The following RB1 variants were observed in gnomAD, a reference collection of about 807,000 sequenced individuals.
RB1 encodes the protein RB transcriptional corepressor 1, also known as retinoblastoma-associated protein.
RB1 carries 18 observed loss-of-function variants against 135.4 expected under a neutral mutation model. The ratio of observed to expected loss-of-function variants is 0.13; its 90% confidence interval spans 0.09 to 0.20. The LOEUF is 0.20. Ranked by LOEUF, RB1 falls within the 10% of genes least tolerant of loss-of-function variation. The pLI, the probability that RB1 is intolerant of heterozygous loss-of-function variation, is 1.00. For synonymous variants in RB1, 365 were observed against 373.2 expected (o/e 0.98, Z 0.25); for missense variants, 868 against 1,110.0 (o/e 0.78, Z 3.10).
chr13:48,437,586 T>G (rs1482218949), intron 17 of RB1, among the ~76,000 whole-genome samples: 1 of 152,172 alleles, frequency 6.6e-6, no homozygotes, highest in African/African-American at 2.4e-5. Context: ...CCAAGTTCAC[T>G]CGTGTGGTTG....
chr13:48,341,390 C>T (rs1310865133), intron 2 of RB1: 1 of 151,798 alleles, frequency 6.6e-6, no homozygotes, highest in African/African-American at 2.4e-5. Flanking sequence ...TATGAACATT[C>T]ACATATAATG....
chr13:48,320,059 C>G (rs1434076961), intron 2 of RB1: 3 of 551,434 alleles, frequency 5.4e-6, no homozygotes, highest in Admixed American at 5.8e-5. Context: ...CGGCTCCACT[C>G]TTTGCCTTTA....
intron 2 of RB1, among the ~76,000 whole-genome samples, chr13:48,324,724 C>T (rs1350281184): frequency 6.6e-6 from 1 of 152,078 alleles, no homozygotes; most frequent in Non-Finnish European, 1.5e-5. Context: ...TGGATATATA[C>T]CCAGTGGTGG....
At position 48,345,134 on chromosome 13, in the gene RB1, T is replaced by C; in HGVS notation, c.435T>C (p.Asp145=). 1 of 1,612,994 alleles carries C rather than the reference T, an allele frequency of 6.2e-7. No individual in the cohort carries two copies. The highest frequency in any genetic ancestry group is 8.5e-7 in the Non-Finnish European group (1 of 1,179,572). ...AAATTGATACCAGTACCAAAGTTGA[T>C]AATGCTATGTCAAGACTGTTGAAGA... The part of the protein sequence containing the change: ...LKEIDTSTKV[D]NAMSRLLKKY... Residue 145 remains aspartate (D), a synonymous_variant, in exon 4 of 27, where the codon GAT becomes GAC. Transcript: ENST00000267163.
chr13:48,431,187 A>G (rs1949126171), intron 17 of RB1, among the ~76,000 whole-genome samples: 1 of 152,228 alleles, frequency 6.6e-6, no homozygotes, highest in African/African-American at 2.4e-5. Context: ...GCATCTAAAC[A>G]AGCATATCAT....
At chr13:48,479,068 A>C (rs1949521246) in intron 26 of RB1, among the ~76,000 whole-genome samples, 1 of 152,132 alleles carries the variant, frequency 6.6e-6, no homozygotes, top group African/African-American at 2.4e-5. Context: ...CTTTACAAAA[A>C]AATCCAAAAA....
Position 48,381,258 on chromosome 13 carries a change from C to A in RB1, c.1510C>A (p.Gln504Lys), listed in dbSNP as rs886043247. 1 of 1,608,316 alleles carries A rather than the reference C, an allele frequency of 6.2e-7. No homozygotes were observed. The highest frequency in any genetic ancestry group is 1.1e-5 in the South Asian group (1 of 89,600). ...VMATYSRSTS[Q>K]NLDSGTDLSF... ...TTTTTCATTTTTAGGAAGTACATCTCAGAATCTTGATTCTGGAACAGATTT... is the reference window on the plus strand; with the variant it reads ...TTTTTCATTTTTAGGAAGTACATCTAAGAATCTTGATTCTGGAACAGATTT... The change falls in exon 17 of 27, where the codon CAG becomes AAG. Residue 504 changes from glutamine (Q) to lysine (K), a missense_variant. Transcript: ENST00000267163.
At chr13:48,431,375 T>C (rs1306954419) in intron 17 of RB1, among the ~76,000 whole-genome samples, 3 of 152,228 alleles carry the variant, frequency 2.0e-5, no homozygotes, top group Non-Finnish European at 4.4e-5. Flanking sequence ...TTAAAGCAAG[T>C]ATGCTTAAAA....
rs1207022787 is a variant in RB1 at position 48,303,868 on chromosome 13, C to A, written c.-45C>A. 2 of 1,506,118 alleles carry A rather than the reference C, an allele frequency of 1.3e-6. No homozygotes were observed. Among genetic ancestry groups the A allele is most frequent in the Non-Finnish European group, 1.8e-6 (2 of 1,134,722 alleles). 93.3% of individuals were successfully genotyped at this position (1,506,118 alleles called of 1,614,324 possible). On this transcript the variant is annotated 5_prime_UTR_variant, in exon 1 of 27. Coordinates refer to ENST00000267163, the MANE Select transcript of RB1 (RefSeq NM_000321.3). ...CGACGTGCGCGCGCGTCGTCCTCCCCGGCGCTCCTCCACAGCTCGCTGGCT... is the reference window on the plus strand; with the variant it reads ...CGACGTGCGCGCGCGTCGTCCTCCCAGGCGCTCCTCCACAGCTCGCTGGCT...
intron 13 of RB1, among the ~76,000 whole-genome samples, chr13:48,378,710 T>G (rs1175511624): frequency 6.6e-6 from 1 of 152,154 alleles, no homozygotes; most frequent in African/African-American, 2.4e-5. Flanking sequence ...TGTACTATAC[T>G]TTTATATGAC....
At chr13:48,317,880 T>A (rs936474441) in intron 2 of RB1, 15 of 401,434 alleles carry the variant, frequency 3.7e-5, no homozygotes, top group African/African-American at 3.0e-4. Flanking sequence ...CTGGCCTGAA[T>A]GAGCCCCATT....
At chr13:48,367,703 T>C in intron 10 of RB1, 100 bp downstream of exon 10, 1 of 1,354,194 alleles carries the variant, frequency 7.4e-7, no homozygotes, top group Admixed American at 2.3e-5. Flanking sequence ...TTAGATATCA[T>C]TTATAACAAA....
chr13:48,479,520 G>T (rs1949524362), intron 26 of RB1, among the ~76,000 whole-genome samples: 1 of 152,104 alleles, frequency 6.6e-6, no homozygotes, highest in South Asian at 2.1e-4. Flanking sequence ...TTTAATGTTT[G>T]CTTGGGGTAT....
intron 17 of RB1, among the ~76,000 whole-genome samples, chr13:48,397,005 G>C (rs143618903): frequency 7.5e-4 from 115 of 152,332 alleles, no homozygotes; most frequent in Non-Finnish European, 1.4e-3. Context: ...ACAGATGCTG[G>C]AGAGGCTGTG....
At chr13:48,387,256 A>AT (rs1220348277) in intron 17 of RB1, among the ~76,000 whole-genome samples, 1 of 152,162 alleles carries the variant, frequency 6.6e-6, no homozygotes, top group Non-Finnish European at 1.5e-5. Context: ...GAATATGGTT[A>AT]TTTTTCATTA....
chr13:48,304,319 C>T (rs1952058772), intron 1 of RB1, among the ~76,000 whole-genome samples: 1 of 152,178 alleles, frequency 6.6e-6, no homozygotes, highest in Non-Finnish European at 1.5e-5. Flanking sequence ...GCAGTTCCCT[C>T]TTGTGAGGCT....
rs934931283 is a variant in RB1 at position 48,456,218 on chromosome 13, T to C, written c.1829T>C (p.Val610Ala). The C allele has an allele frequency of 1.2e-6, 2 of 1,614,032 alleles. No individual in the cohort carries two copies. Among genetic ancestry groups the C allele is most frequent in the Non-Finnish European group, 8.5e-7 (1 of 1,180,016 alleles). Residue 610 changes from valine to alanine, a missense_variant, in exon 19 of 27, where the codon GTA (valine) becomes GCA (alanine). By Grantham distance (64) the Val-to-Ala change is moderately conservative. Transcript: ENST00000267163. ...AATATATCTAGGTATCTTTCTCCTG[T>C]AAGATCTCCAAAGAAAAAAGGTTCA... Reference protein sequence around the residue: ...HTAADMYLSPVRSPKKKGSTT... With the variant: ...HTAADMYLSPARSPKKKGSTT...
intron 17 of RB1, among the ~76,000 whole-genome samples, chr13:48,401,571 A>G (rs1948691948): frequency 6.6e-6 from 1 of 152,154 alleles, no homozygotes; most frequent in African/African-American, 2.4e-5. Context: ...CATGTTTTAA[A>G]AACTCTGAAC....
intron 23 of RB1, 41 bp from the exon 24 acceptor site, chr13:48,473,319 G>A (rs778988928): frequency 6.7e-7 from 1 of 1,498,734 alleles, no homozygotes; most frequent in South Asian, 1.1e-5. Context: ...AATTGTATAT[G>A]GTTTTTTATT....
Sources: allele counts gnomAD v4.1 joint callset (sites outside exome capture counted in the v4.1 genomes callset), GRCh38; gene constraint gnomAD v4.1.1; transcripts MANE v1.5; gene names NCBI Gene and HGNC (gene_info 2026-07-23, HGNC 2026-07-21).